C6orf132: variants seen among roughly 807,000 people sequenced by gnomAD.
The protein encoded by C6orf132 is chromosome 6 open reading frame 132, also known as uncharacterized protein C6orf132.
In C6orf132, 43 loss-of-function variants were observed where a neutral mutation model predicts 65.3. That is an observed-to-expected ratio of 0.66 (90% CI 0.52 to 0.85). The LOEUF (loss-of-function observed/expected upper bound fraction) is 0.85. Among genes scored for constraint, C6orf132 ranks in the 40% least tolerant of loss-of-function variants. The probability of loss-of-function intolerance (pLI) is 0.00; values close to 1 mark genes in which losing one functional copy is unlikely to be tolerated. For synonymous variants in C6orf132, 631 were observed against 654.1 expected (o/e 0.96, Z 0.54); for missense variants, 1,488 against 1,548.8 (o/e 0.96, Z 0.66).
At position 42,106,387 on chromosome 6, in the gene C6orf132, G is replaced by A. The variant is rs1582268702; in HGVS notation, c.1525C>T (p.Leu509=). 6.5e-7 allele frequency: 1 copy of A among 1,536,164 alleles called. No homozygotes were observed. The change falls in exon 4 of 5, where the codon CTG becomes TTG. Residue 509 remains leucine, a synonymous_variant. Transcript: ENST00000341865. ...QSKEGKKGPR[L]PEKETLLSLP... ...CTCAGGAGAGTCTCCTTCTCAGGCA[G>A]GCGGGGGCCCTTCTTGCCCTCCTTG... is the stretch of plus-strand genomic sequence containing the variant.
intron 1 of C6orf132, among the ~76,000 whole-genome samples, chr6:42,133,185 C>T (rs897807008): frequency 6.6e-6 from 1 of 152,134 alleles, no homozygotes; most frequent in Non-Finnish European, 1.5e-5. Context: ...CCTCCTCAGT[C>T]GAGGAGCTAA....
At chr6:42,130,803 T>C (rs1766840188) in intron 1 of C6orf132, among the ~76,000 whole-genome samples, 1 of 151,818 alleles carries the variant, frequency 6.6e-6, no homozygotes, top group Middle Eastern at 3.2e-3. Flanking sequence ...ATGGAGTCTT[T>C]TTTTTTTGGT....
intron 2 of C6orf132, among the ~76,000 whole-genome samples, chr6:42,123,342 C>T (rs1766715393): frequency 6.6e-6 from 1 of 150,858 alleles, no homozygotes; most frequent in Non-Finnish European, 1.5e-5. Context: ...GAGATCGCAC[C>T]ACTGCACTCC....
intron 1 of C6orf132, among the ~76,000 whole-genome samples, chr6:42,132,708 TGTG>T (rs1272097522): frequency 6.6e-6 from 1 of 151,086 alleles, no homozygotes; most frequent in Non-Finnish European, 1.5e-5. Context: ...ATTAGCCGGA[TGTG>T]GTGGTGGGCA....
chr6:42,131,020 G>C (rs1160466694), intron 1 of C6orf132, among the ~76,000 whole-genome samples: 1 of 152,112 alleles, frequency 6.6e-6, no homozygotes, highest in African/African-American at 2.4e-5. Flanking sequence ...GAAGTAGTTG[G>C]GATTACAGGT....
At position 42,128,635 on chromosome 6, in the gene C6orf132, A is replaced by G. The variant is rs745872270; in HGVS notation, c.252+37T>C. The G allele has an allele frequency of 3.3e-6, 5 of 1,502,452 alleles. No individual in the cohort carries two copies. The East Asian group carries it at 9.8e-5, about 30-fold the overall frequency. The allele number at this position is 1,502,452 out of a possible 1,614,324, so 93.1% of individuals were successfully genotyped here. A position where few individuals can be genotyped will look rare whatever the true frequency, so the allele number is the denominator to read the frequency against. Reference sequence around the variant, plus strand: ...GGGCAGCCTTGGTGTCCCCAGCCAGAGCAGACTCTCCAACCTCAGAGCAGA... The same window carrying G: ...GGGCAGCCTTGGTGTCCCCAGCCAGGGCAGACTCTCCAACCTCAGAGCAGA... On this transcript the variant is annotated intron_variant, in intron 2 of 4. Coordinates refer to ENST00000341865, the MANE Select transcript of C6orf132 (RefSeq NM_001164446.3).
chr6:42,112,752 A>C (rs1336162034), intron 2 of C6orf132, among the ~76,000 whole-genome samples: 1 of 152,180 alleles, frequency 6.6e-6, no homozygotes, highest in Non-Finnish European at 1.5e-5. Context: ...GGTATCCCCC[A>C]AAGCTGGATG....
intron 3 of C6orf132, 83 bp from the exon 4 acceptor site, chr6:42,107,666 G>A (rs1264200414): frequency 2.7e-6 from 4 of 1,502,590 alleles, no homozygotes; most frequent in Non-Finnish European, 3.6e-6. Context: ...GGCAGGGGCA[G>A]GGGTGGGCAC....
intron 2 of C6orf132, among the ~76,000 whole-genome samples, chr6:42,122,801 G>A (rs913156796): frequency 6.6e-6 from 1 of 152,180 alleles, no homozygotes; most frequent in African/African-American, 2.4e-5. Flanking sequence ...TAAGGGAGGG[G>A]TGCAGGGCAG....
At position 42,103,522 on chromosome 6, in the gene C6orf132, C is replaced by T. The variant is rs923262336; in HGVS notation, c.*239G>A. ...GGTTCCTTCTCTCTACCCTCCTTCC[C>T]CTCCCACCCCCCACGTGTAAACAGT... On this transcript the variant is annotated 3_prime_UTR_variant, in exon 5 of 5. Transcript: ENST00000341865. The T allele has an allele frequency of 2.6e-5, 10 of 386,660 alleles. 1 individual carries two copies. The highest frequency in any genetic ancestry group is 1.9e-4 in the African/African-American group (9 of 48,322). 24.0% of individuals were successfully genotyped at this position (386,660 alleles called of 1,614,324 possible).
At chr6:42,117,013 G>T (rs1420150537) in intron 2 of C6orf132, among the ~76,000 whole-genome samples, 3 of 152,106 alleles carry the variant, frequency 2.0e-5, no homozygotes, top group Non-Finnish European at 4.4e-5. Context: ...TCAAGCTTCC[G>T]CAGCCTTGTT....
chr6:42,141,011 C>T (rs750813449), intron 1 of C6orf132, among the ~76,000 whole-genome samples: 1 of 152,176 alleles, frequency 6.6e-6, no homozygotes, highest in African/African-American at 2.4e-5. Flanking sequence ...CCTGTCAGCT[C>T]GAATGCTAGT....
rs908587650 is a variant in C6orf132, at chr6:42,142,388, G to A, written c.57C>T (p.His19=). ...GTFSKLFGKK[H]TTTPSTSLYA... ...AGAGGGAGGTGCTGGGGGTCGTGGTGTGCTTCTTCCCGAAGAGTTTGCTGA... is the reference window on the plus strand; with the variant it reads ...AGAGGGAGGTGCTGGGGGTCGTGGTATGCTTCTTCCCGAAGAGTTTGCTGA... The change falls in exon 1 of 5, where the codon CAC becomes CAT. Residue 19 remains histidine (H), a synonymous_variant. Transcript: ENST00000341865. 1 of 1,551,536 alleles carries A rather than the reference G, an allele frequency of 6.4e-7. No homozygotes were observed. The highest frequency in any genetic ancestry group is 1.4e-5 in the African/African-American group (1 of 73,154).
Position 42,105,714 on chromosome 6 carries a change from C to T in C6orf132, c.2198G>A (p.Gly733Glu), listed in dbSNP as rs1289836055. 5.2e-6 allele frequency: 8 copies of T among 1,537,310 alleles called. 1 individual carries two copies. In the African/African-American group the frequency reaches 8.2e-5, roughly 16 times the overall value. The change falls in exon 4 of 5, where the codon GGA (glycine) becomes GAA (glutamate). Residue 733 changes from glycine (G) to glutamate (E), a missense_variant. By Grantham distance (98) the Gly-to-Glu change is moderately conservative. Coordinates refer to ENST00000341865, the MANE Select transcript of C6orf132 (RefSeq NM_001164446.3). Reference sequence around the variant, plus strand: ...AGTGGCCTCTGAGGGGGACCCCTCTCCCCTTGCCTGGGAGGGAGTGGAAAC... The same window carrying T: ...AGTGGCCTCTGAGGGGGACCCCTCTTCCCTTGCCTGGGAGGGAGTGGAAAC... ...QEVSTPSQARGEGSPSEATRL... is the reference protein window; with the variant it reads ...QEVSTPSQAREEGSPSEATRL...
At position 42,128,795 on chromosome 6, in the gene C6orf132, A is replaced by G. The variant is rs775580397; in HGVS notation, c.146-17T>C. ...AGATGCCATCTAGAGAACACAAGTG[A>G]GGGGACACCATAAGCTGGAGATCCA... On this transcript the variant is annotated splice_polypyrimidine_tract_variant and intron_variant, in intron 1 of 4. Transcript: ENST00000341865. The G allele has an allele frequency of 7.8e-6, 12 of 1,529,270 alleles. No individual in the cohort carries two copies. The highest frequency in any genetic ancestry group is 1.1e-5 in the Non-Finnish European group (12 of 1,126,806). 94.7% of individuals were successfully genotyped at this position (1,529,270 alleles called of 1,614,324 possible).
rs544851124 is a variant in C6orf132, at chr6:42,108,761, C to CT, written c.329-1179dup. Among the ~76,000 whole-genome samples the CT allele has an allele frequency of 1.3e-3, 202 of 152,264 alleles. 1 individual carries two copies. Among genetic ancestry groups the CT allele is most frequent in the Non-Finnish European group, 2.5e-3 (167 of 68,024 alleles). ...TCCTCGGACCAGGTCCCCAGCCCCT[C>CT]TCCCAGAGTCTACTTCCTTCTTAGG... On this transcript the variant is annotated intron_variant, in intron 3 of 4. Coordinates refer to ENST00000341865, the MANE Select transcript of C6orf132 (RefSeq NM_001164446.3).
Position 42,142,484 on chromosome 6 carries a change from C to G in C6orf132, c.-40G>C. 6.5e-7 allele frequency: 1 copy of G among 1,540,406 alleles called. No homozygotes were observed. Among genetic ancestry groups the G allele is most frequent in the South Asian group, 1.2e-5 (1 of 82,738 alleles). ...CGCGGGCGCCAGGGAAGGACCTTCC[C>G]TCCCTCGCCCTGCCCTGCCCCGGAC... is the stretch of plus-strand genomic sequence containing the variant. On this transcript the variant is annotated 5_prime_UTR_variant, in exon 1 of 5. Transcript: ENST00000341865.
At chr6:42,131,933 C>T (rs1416217220) in intron 1 of C6orf132, among the ~76,000 whole-genome samples, 2 of 152,176 alleles carry the variant, frequency 1.3e-5, no homozygotes, top group Non-Finnish European at 2.9e-5. Flanking sequence ...GATTTGATTT[C>T]CCAGTCTGAA....
chr6:42,124,602 G>C lies in C6orf132; in HGVS notation c.252+4070C>G, dbSNP rs1766737177. Among the ~76,000 whole-genome samples the C allele has an allele frequency of 6.6e-6, 1 of 152,196 alleles. No homozygotes were observed. The highest frequency in any genetic ancestry group is 6.5e-5 in the Admixed American group (1 of 15,286). On this transcript the variant is annotated intron_variant, in intron 2 of 4. Coordinates refer to ENST00000341865, the MANE Select transcript of C6orf132 (RefSeq NM_001164446.3). This position sits in a 1 kb window ranked among gnomAD's most constrained non-coding sequence, Gnocchi z 4.0. ...GGAGGGGTGGAGGCCTGGCCGGCTGGGACAGTGTCAGGCAGGGCTAGGCAC... is the reference window on the plus strand; with the variant it reads ...GGAGGGGTGGAGGCCTGGCCGGCTGCGACAGTGTCAGGCAGGGCTAGGCAC...
Sources: allele counts gnomAD v4.1 joint callset (sites outside exome capture counted in the v4.1 genomes callset), GRCh38; gene constraint gnomAD v4.1.1; non-coding constraint Gnocchi (gnomAD v3.1); transcripts MANE v1.5; gene names NCBI Gene and HGNC (gene_info 2026-07-23, HGNC 2026-07-21).